Variants in PCDHA12 observed in about 807,000 individuals in gnomAD.
PCDHA12 encodes the protein protocadherin alpha 12.
Under a neutral mutation model 60.0 loss-of-function variants are expected in PCDHA12, and 44 were observed. The ratio of observed to expected loss-of-function variants is 0.73; its 90% CI spans 0.58 to 0.94. PCDHA12 has a LOEUF of 0.94. Among genes scored for constraint, PCDHA12 ranks in the 40% least tolerant of loss-of-function variants. The pLI, the probability that PCDHA12 is intolerant of heterozygous loss-of-function variation, is 0.00. For synonymous variants in PCDHA12, 569 were observed against 553.0 expected, an observed-to-expected ratio of 1.03 and a Z score of -0.40; for missense variants, 1,276 against 1,239.7, an observed-to-expected ratio of 1.03 and a Z score of -0.44.
intron 1 of PCDHA12, among the ~76,000 whole-genome samples, chr5:140,899,774 C>T (rs966615256): frequency 3.9e-5 from 6 of 152,122 alleles, no homozygotes; most frequent in African/African-American, 1.4e-4. Context: ...CCTCCTTTTA[C>T]CTCTGGTATA....
At chr5:140,982,694 A>G in intron 3 of PCDHA12, 131 bp downstream of exon 3, 1 of 1,402,998 alleles carries the variant, frequency 7.1e-7, no homozygotes, top group Non-Finnish European at 9.4e-7. Flanking sequence ...TTCCATACAT[A>G]CATGATTTCC....
intron 1 of PCDHA12, among the ~76,000 whole-genome samples, chr5:140,975,393 C>G (rs2096665585): frequency 6.6e-6 from 1 of 152,256 alleles, no homozygotes. Flanking sequence ...TAAGATCCAT[C>G]ACAATCACAG....
At chr5:140,928,610 C>T (rs935238036) in intron 1 of PCDHA12, 1 of 1,614,254 alleles carries the variant, frequency 6.2e-7, no homozygotes, top group Non-Finnish European at 8.5e-7. Flanking sequence ...GTGCCCCGCT[C>T]TGCCAGGACT....
chr5:140,892,489 G>A (rs1554185225), intron 1 of PCDHA12, among the ~76,000 whole-genome samples: 1 of 152,180 alleles, frequency 6.6e-6, no homozygotes, highest in Non-Finnish European at 1.5e-5. Context: ...CCAAACATGA[G>A]AGATTGTTTA....
chr5:140,943,357 A>G (rs974685573), intron 1 of PCDHA12, among the ~76,000 whole-genome samples: 3 of 152,026 alleles, frequency 2.0e-5, no homozygotes, highest in Non-Finnish European at 4.4e-5. Flanking sequence ...AGTAGAGGAA[A>G]GGAGATCATT....
chr5:140,925,100 A>AGGAG (rs1217709299), intron 1 of PCDHA12, among the ~76,000 whole-genome samples: 12 of 151,586 alleles, frequency 7.9e-5, no homozygotes, highest in Admixed American at 1.3e-4. Context: ...GAAGGAAGGA[A>AGGAG]GGAAGGAGGG....
At chr5:140,979,912 G>C (rs1554241237) in intron 2 of PCDHA12, among the ~76,000 whole-genome samples, 2 of 152,248 alleles carry the variant, frequency 1.3e-5, no homozygotes, top group South Asian at 2.1e-4. Flanking sequence ...AGTTCGTAAA[G>C]AGAAAGCCTA....
In PCDHA12 at chr5:140,876,356, T is replaced by C; in HGVS notation, c.884T>C (p.Ile295Thr). Reference sequence around the variant, plus strand: ...GTGAGTGAGAAATGTATGTTTTCAATAAATCCAGACACAGGTGAAATTAGA... The same window carrying C: ...GTGAGTGAGAAATGTATGTTTTCAACAAATCCAGACACAGGTGAAATTAGA... ...LPVSEKCMFSINPDTGEIRIY... is the reference protein window; with the variant it reads ...LPVSEKCMFSTNPDTGEIRIY... Residue 295 changes from isoleucine to threonine, a missense_variant, in exon 1 of 4, where the codon ATA (isoleucine) becomes ACA (threonine). Ile to Thr is a moderately conservative substitution (Grantham distance 89). Transcript: ENST00000398631. The C allele has an allele frequency of 6.2e-7, 1 of 1,613,964 alleles. No individual in the cohort carries two copies.
In PCDHA12 at chr5:140,970,874, G is replaced by A. The variant is rs191123160; in HGVS notation, c.2368-8075G>A. On this transcript the variant is annotated intron_variant, in intron 1 of 3. Coordinates refer to ENST00000398631, the MANE Select transcript of PCDHA12 (RefSeq NM_018903.4). ...AAAGTTCCATTCCTGATTGAGAGTA[G>A]ATTTTTCTCATGGACATTTCAGATA... Among the ~76,000 whole-genome samples the A allele has an allele frequency of 1.6e-4, 24 of 152,250 alleles. No individual in the cohort carries two copies. The East Asian group carries it at 2.7e-3, about 17-fold the overall frequency.
In PCDHA12 at chr5:140,961,136, G is replaced by A. The variant is rs1474839905; in HGVS notation, c.2368-17813G>A. On this transcript the variant is annotated intron_variant, in intron 1 of 3. Coordinates refer to ENST00000398631, the MANE Select transcript of PCDHA12 (RefSeq NM_018903.4). ...TGCATCTTAATGTCTTGGCACTTAA[G>A]AGTTGGCATATTATTTCAGTACATA... is the stretch of plus-strand genomic sequence containing the variant. Among the ~76,000 whole-genome samples the A allele has an allele frequency of 3.9e-5, 6 of 152,270 alleles. No homozygotes were observed. The East Asian group carries it at 1.2e-3, about 29-fold the overall frequency.
At chr5:140,997,636 A>G (rs2097777002) in intron 3 of PCDHA12, among the ~76,000 whole-genome samples, 2 of 151,964 alleles carry the variant, frequency 1.3e-5, no homozygotes, top group African/African-American at 4.8e-5. Flanking sequence ...AAAAAGCAAA[A>G]TGGGATAATG....
At chr5:140,899,228 T>G (rs1194169721) in intron 1 of PCDHA12, among the ~76,000 whole-genome samples, 1 of 152,126 alleles carries the variant, frequency 6.6e-6, no homozygotes, top group Non-Finnish European at 1.5e-5. Context: ...CAACACTATG[T>G]TGAATAGGAG....
At chr5:140,882,920 G>C (rs2059362328) in intron 1 of PCDHA12, 1 of 1,614,090 alleles carries the variant, frequency 6.2e-7, no homozygotes. Flanking sequence ...CAGTGATGGA[G>C]GTAAACCCGA....
intron 1 of PCDHA12, chr5:140,884,280 A>G: frequency 6.2e-7 from 1 of 1,613,576 alleles, no homozygotes; most frequent in Non-Finnish European, 8.5e-7. Context: ...TCGCTGGTGG[A>G]GAGCGGCCAA....
rs2084561103 is a variant in PCDHA12 at position 140,927,726 on chromosome 5, A to G, written c.2367+49887A>G. On this transcript the variant is annotated intron_variant, in intron 1 of 3. Transcript: ENST00000398631. ...ACTCCCTAAGCAACAGCACGCAAGCAGAGCTGCGACACCGCTTTCACGTGC... is the reference window on the plus strand; with the variant it reads ...ACTCCCTAAGCAACAGCACGCAAGCGGAGCTGCGACACCGCTTTCACGTGC... 6 of 1,614,220 alleles carry G rather than the reference A, an allele frequency of 3.7e-6. No individual in the cohort carries two copies. The African/African-American group carries it at 8.0e-5, about 22-fold the overall frequency.
At chr5:140,976,787 C>T (rs1460336492) in intron 1 of PCDHA12, among the ~76,000 whole-genome samples, 3 of 152,150 alleles carry the variant, frequency 2.0e-5, no homozygotes, top group Admixed American at 6.5e-5. Flanking sequence ...TATATAGCTA[C>T]GCTTTTATGA....
intron 1 of PCDHA12, chr5:140,882,584 C>T (rs1554174685): frequency 1.9e-6 from 3 of 1,614,120 alleles, no homozygotes; most frequent in Admixed American, 1.7e-5. Flanking sequence ...CAGCATCCAC[C>T]TGGAGGTGAT....
chr5:140,942,478 C>T (rs2093304158), intron 1 of PCDHA12, among the ~76,000 whole-genome samples: 1 of 151,408 alleles, frequency 6.6e-6, no homozygotes, highest in African/African-American at 2.4e-5. Flanking sequence ...ATTCAAGCTA[C>T]AACTGAAATA....
intron 1 of PCDHA12, chr5:140,884,520 C>G (rs782029549): frequency 4.3e-6 from 7 of 1,613,918 alleles, no homozygotes; most frequent in Middle Eastern, 1.6e-4. Flanking sequence ...TGGTCGTACT[C>G]GCAGCAGAGG....
Sources: gnomAD v4.1 joint callset for allele counts (sites outside exome capture counted in the v4.1 genomes callset) on GRCh38, gnomAD v4.1.1 for gene constraint, MANE v1.5 for transcripts, NCBI Gene and HGNC (gene_info 2026-07-23, HGNC 2026-07-21) for gene names.